PLCG2: variants seen among roughly 807,000 people sequenced by gnomAD.
The protein encoded by PLCG2 is 1-phosphatidylinositol 4,5-bisphosphate phosphodiesterase gamma-2.
Under a neutral mutation model 175.6 loss-of-function variants are expected in PLCG2, and 69 were observed. The observed-to-expected ratio is 0.39, with a 90% CI of 0.32 to 0.48. PLCG2 has a LOEUF of 0.48. PLCG2 is among the 20% of genes least tolerant of loss of function. PLCG2 has a pLI of 0.91. For missense variants in PLCG2, 1,798 were observed against 1,650.9 expected (o/e 1.09, Z -1.54); for synonymous variants, 827 against 624.0 (o/e 1.33, Z -4.85).
intron 2 of PLCG2, among the ~76,000 whole-genome samples, chr16:81,786,856 A>G (rs1195730829): frequency 1.3e-5 from 2 of 152,222 alleles, no homozygotes; most frequent in Admixed American, 1.3e-4. Context: ...ATTGAAATAT[A>G]TATTCCTGGG....
At chr16:81,844,669 A>G (rs1906018866) in intron 2 of PLCG2, among the ~76,000 whole-genome samples, 1 of 152,248 alleles carries the variant, frequency 6.6e-6, no homozygotes, top group African/African-American at 2.4e-5. Context: ...TGAACCTCGT[A>G]CAGCAGGTCT....
At chr16:81,830,976 T>C (rs1905237087) in intron 2 of PLCG2, among the ~76,000 whole-genome samples, 1 of 152,140 alleles carries the variant, frequency 6.6e-6, no homozygotes, top group African/African-American at 2.4e-5. Context: ...AACCTTGCTC[T>C]TCCTACAACC....
intron 18 of PLCG2, 35 bp from the exon 19 acceptor site, chr16:81,912,562 C>A: frequency 6.2e-7 from 1 of 1,609,430 alleles, no homozygotes; most frequent in Non-Finnish European, 8.5e-7. Flanking sequence ...CTGGAGACCG[C>A]TCACCTGGTC....
At chr16:81,929,263 G>A (rs902968536) in intron 24 of PLCG2, among the ~76,000 whole-genome samples, 2 of 152,200 alleles carry the variant, frequency 1.3e-5, no homozygotes, top group Admixed American at 1.3e-4. Context: ...ACTCTGTAGC[G>A]GGCCTCCTTG....
At position 81,961,608 on chromosome 16, in the gene PLCG2, AAGG is replaced by A. The variant is rs1911778932; in HGVS notation, c.*3612_*3614del. 1.8e-5 allele frequency: 4 copies of A among 216,240 alleles called. No individual in the cohort carries two copies. In the East Asian group the frequency reaches 2.8e-4, roughly 15 times the overall value. 13.4% of individuals were successfully genotyped at this position (216,240 alleles called of 1,614,324 possible). A position where few individuals can be genotyped will look rare whatever the true frequency, so the allele number is the denominator to read the frequency against. On this transcript the variant is annotated 3_prime_UTR_variant, in exon 33 of 33. Transcript: ENST00000564138. Reference sequence around the variant, plus strand: ...ATGAAAATACAAATTCAAGGAGTAAAAGGAAAAGTGGGGCATTCCTTGCTACTA... The same window carrying A: ...ATGAAAATACAAATTCAAGGAGTAAAAAAAGTGGGGCATTCCTTGCTACTA...
intron 30 of PLCG2, among the ~76,000 whole-genome samples, chr16:81,942,287 A>C (rs11862662): frequency 0.26 from 39,437 of 152,186 alleles, 5,470 homozygotes; most frequent in African/African-American, 0.36. Context: ...AAAGTGTGTC[A>C]ATTCATCTGC....
chr16:81,949,218 G>A (rs552022155), intron 31 of PLCG2, among the ~76,000 whole-genome samples: 6 of 152,306 alleles, frequency 3.9e-5, no homozygotes, highest in East Asian at 1.9e-4. Flanking sequence ...AGACGGTGGA[G>A]AGCTATTAAT....
intron 7 of PLCG2, among the ~76,000 whole-genome samples, chr16:81,877,580 A>C (rs7197601): frequency 0.41 from 61,786 of 152,102 alleles, 13,430 homozygotes; most frequent in East Asian, 0.78. Context: ...TGTTCCAGAC[A>C]TCTTTCATGG....
intron 26 of PLCG2, chr16:81,935,438 G>C: frequency 1.5e-6 from 1 of 677,554 alleles, no homozygotes; most frequent in Non-Finnish European, 1.8e-6. Context: ...AAAAAAAAAA[G>C]ACCTTCTACC....
chr16:81,882,953 C>G (rs1399119628), intron 8 of PLCG2, among the ~76,000 whole-genome samples: 1 of 151,992 alleles, frequency 6.6e-6, no homozygotes, highest in Non-Finnish European at 1.5e-5. Flanking sequence ...GCCTGGTTCA[C>G]CTGTCTTCCC....
chr16:81,894,931 A>T (rs925549358), intron 12 of PLCG2, among the ~76,000 whole-genome samples: 7 of 152,186 alleles, frequency 4.6e-5, no homozygotes, highest in Admixed American at 4.6e-4. Context: ...CTACTGACTT[A>T]GGCTCCAGTG....
chr16:81,876,444 C>T (rs968920288), intron 7 of PLCG2, among the ~76,000 whole-genome samples: 2 of 152,166 alleles, frequency 1.3e-5, no homozygotes, highest in African/African-American at 4.8e-5. Flanking sequence ...CCTTCAGCCA[C>T]GTGGGAAAAC....
chr16:81,762,090 C>T (rs1472193180), intron 2 of PLCG2, among the ~76,000 whole-genome samples: 1 of 151,966 alleles, frequency 6.6e-6, no homozygotes, highest in Admixed American at 6.6e-5. Context: ...GTACCTCGTC[C>T]TCCCAAAGTG....
intron 2 of PLCG2, among the ~76,000 whole-genome samples, chr16:81,798,294 C>G (rs923143692): frequency 3.9e-5 from 6 of 152,184 alleles, no homozygotes; most frequent in African/African-American, 7.2e-5. Context: ...CAGCAGGTGC[C>G]TGCATTTGTG....
intron 14 of PLCG2, among the ~76,000 whole-genome samples, chr16:81,902,747 A>C (rs1909205874): frequency 6.6e-6 from 1 of 152,112 alleles, no homozygotes; most frequent in Admixed American, 6.5e-5. Flanking sequence ...AGACATACCC[A>C]AGACTGGGTA....
intron 2 of PLCG2, among the ~76,000 whole-genome samples, chr16:81,841,701 C>T (rs1034563087): frequency 2.0e-5 from 3 of 152,164 alleles, no homozygotes; most frequent in African/African-American, 7.2e-5. Context: ...CCTGCTAGAT[C>T]CTTCTAGAGC....
chr16:81,862,814 G>A (rs1907047589), intron 5 of PLCG2, among the ~76,000 whole-genome samples: 1 of 152,174 alleles, frequency 6.6e-6, no homozygotes, highest in Non-Finnish European at 1.5e-5. Context: ...CAAGGCTGCA[G>A]TGAACCATGA....
intron 1 of PLCG2, among the ~76,000 whole-genome samples, chr16:81,743,707 C>A (rs1909645022): frequency 6.6e-6 from 1 of 152,152 alleles, no homozygotes; most frequent in African/African-American, 2.4e-5. Context: ...CTGTGGGAGA[C>A]AGCCTGCCTG....
intron 2 of PLCG2, among the ~76,000 whole-genome samples, chr16:81,756,578 A>G (rs975500402): frequency 6.6e-6 from 1 of 152,190 alleles, no homozygotes; most frequent in Non-Finnish European, 1.5e-5. Flanking sequence ...GTCTCAGGAC[A>G]GGGGAGGCCA....
Sources: gnomAD v4.1 joint callset for allele counts (sites outside exome capture counted in the v4.1 genomes callset) on GRCh38, gnomAD v4.1.1 for gene constraint, MANE v1.5 for transcripts, NCBI Gene and HGNC (gene_info 2026-07-23, HGNC 2026-07-21) for gene names.